Variants in EOGT observed in about 807,000 individuals in gnomAD.
The protein encoded by EOGT is EGF domain-specific O-linked N-acetylglucosamine transferase.
A neutral mutation model predicts 70.5 loss-of-function variants in EOGT; 55 were observed. The observed-to-expected ratio is 0.78, with a 90% CI of 0.63 to 0.98. The LOEUF (loss-of-function observed/expected upper bound fraction) is 0.98. Ranked by LOEUF, EOGT falls within the 50% of genes least tolerant of loss-of-function variation. EOGT has a pLI of 0.00. For missense variants in EOGT, 703 were observed against 641.9 expected, an observed-to-expected ratio of 1.10 and a Z score of -1.03; for synonymous variants, 246 against 217.1, an observed-to-expected ratio of 1.13 and a Z score of -1.17.
intron 17 of EOGT, 57 bp downstream of exon 17, chr3:68,978,276 T>G (rs915180217): frequency 1.6e-6 from 2 of 1,240,618 alleles, no homozygotes; most frequent in Non-Finnish European, 2.3e-6. Flanking sequence ...TATCAATAAT[T>G]GGATACTTTA....
rs140796749 is a variant in EOGT, at chr3:68,977,537, C to A, written c.*81G>T. On this transcript the variant is annotated 3_prime_UTR_variant, in exon 18 of 18. Transcript: ENST00000383701. ...AAGGTAATTCGGGGATAGGAAATAA[C>A]AGATTGCTTTACTGATTTAATTCTA... 2 of 1,454,788 alleles carry A rather than the reference C, an allele frequency of 1.4e-6. No homozygotes were observed. The highest frequency in any genetic ancestry group is 2.8e-5 in the African/African-American group (2 of 70,816). 90.1% of individuals were successfully genotyped at this position (1,454,788 alleles called of 1,614,324 possible). A position where few individuals can be genotyped will look rare whatever the true frequency, so the allele number is the denominator to read the frequency against.
intron 10 of EOGT, among the ~76,000 whole-genome samples, chr3:68,992,655 A>T (rs1022211478): frequency 5.3e-5 from 8 of 152,176 alleles, no homozygotes; most frequent in African/African-American, 1.9e-4. Flanking sequence ...CAGCTCCACT[A>T]GGCAGCACCC....
chr3:68,986,341 G>A (rs2090807178), intron 14 of EOGT, among the ~76,000 whole-genome samples: 1 of 152,066 alleles, frequency 6.6e-6, no homozygotes. Context: ...CCTTTGGGAG[G>A]AGCAGGAAGA....
At chr3:68,994,052 G>A (rs1451402329) in intron 10 of EOGT, among the ~76,000 whole-genome samples, 3 of 152,128 alleles carry the variant, frequency 2.0e-5, no homozygotes, top group Admixed American at 6.6e-5. Context: ...GTACCATAAC[G>A]AGATCTTGTC....
At chr3:68,987,641 T>C (rs990013253) in intron 13 of EOGT, 128 bp from the exon 14 acceptor site, 6 of 702,800 alleles carry the variant, frequency 8.5e-6, no homozygotes, top group Non-Finnish European at 1.4e-5. Context: ...GAACTCTTCT[T>C]TTTTAGCTTG....
intron 3 of EOGT, 73 bp from the exon 4 acceptor site, chr3:69,009,933 C>CAAAAAAAAAAAAAAAAAAA: frequency 7.8e-6 from 2 of 255,186 alleles, no homozygotes; most frequent in African/African-American, 3.3e-5. Flanking sequence ...ACAACAACAA[C>CAAAAAAAAAAAAAAAAAAA]AAAAAAAAAA....
chr3:68,997,842 T>C (rs745682395), intron 10 of EOGT, among the ~76,000 whole-genome samples, 169 bp downstream of exon 10: 2 of 152,232 alleles, frequency 1.3e-5, no homozygotes, highest in South Asian at 2.1e-4. Context: ...TATACGTATA[T>C]GCACATGTCA....
At chr3:68,979,895 T>C in intron 15 of EOGT, 108 bp from the exon 16 acceptor site, 1 of 1,051,706 alleles carries the variant, frequency 9.5e-7, no homozygotes, top group Non-Finnish European at 1.3e-6. Flanking sequence ...TATTGCCCAT[T>C]TTAAACCACA....
At chr3:68,993,536 T>C (rs771971413) in intron 10 of EOGT, among the ~76,000 whole-genome samples, 12 of 152,154 alleles carry the variant, frequency 7.9e-5, no homozygotes, top group Non-Finnish European at 1.5e-4. Context: ...CTCTAGGAAG[T>C]TGCAAACTTT....
intron 14 of EOGT, among the ~76,000 whole-genome samples, chr3:68,986,867 G>A (rs951002806): frequency 6.6e-6 from 1 of 152,176 alleles, no homozygotes. Context: ...ACACATAGCA[G>A]GTGCTCAATT....
At chr3:69,013,279 C>G (rs988856065) in intron 1 of EOGT, among the ~76,000 whole-genome samples, 8 of 151,624 alleles carry the variant, frequency 5.3e-5, no homozygotes, top group Non-Finnish European at 1.0e-4. Context: ...CCCCGGGGAG[C>G]GGCTCCGCCC....
In EOGT at chr3:68,987,818, G is replaced by A. The variant is rs2090860332; in HGVS notation, c.1084-305C>T. The A allele has an allele frequency of 9.3e-6, 4 of 430,562 alleles. No homozygotes were observed. In the East Asian group the frequency reaches 1.3e-4, roughly 14 times the overall value. The allele number at this position is 430,562 out of a possible 1,614,324, so 26.7% of individuals were successfully genotyped here. A position where few individuals can be genotyped will look rare whatever the true frequency, so the allele number is the denominator to read the frequency against. On this transcript the variant is annotated intron_variant, in intron 13 of 17. Coordinates refer to ENST00000383701, the MANE Select transcript of EOGT (RefSeq NM_001278689.2). ...TGAGGGAGATATAACCAATGAAGGG[G>A]GAAAGGAGGACAGGAGGAAGCACAT...
rs535116287 is a variant in EOGT at position 68,990,038 on chromosome 3, A to C, written c.832-1021T>G. On this transcript the variant is annotated intron_variant, in intron 10 of 17. Coordinates refer to ENST00000383701, the MANE Select transcript of EOGT (RefSeq NM_001278689.2). The stretch of plus-strand genomic sequence containing the variant: ...GAATAAAAAGTGGTAATTTCCCATT[A>C]ATATTAATGGTGTCAATAACAACTT... Among the ~76,000 whole-genome samples the C allele has an allele frequency of 2.0e-5, 3 of 152,260 alleles. No individual in the cohort carries two copies. In the South Asian group the frequency reaches 6.2e-4, roughly 32 times the overall value.
intron 15 of EOGT, 76 bp downstream of exon 15, chr3:68,982,735 G>C: frequency 9.1e-7 from 1 of 1,094,530 alleles, no homozygotes; most frequent in Non-Finnish European, 1.3e-6. Context: ...GCTCCCACTG[G>C]AAAAATGCTT....
At chr3:69,003,169 G>A (rs1478307083) in intron 8 of EOGT, among the ~76,000 whole-genome samples, 1 of 152,058 alleles carries the variant, frequency 6.6e-6, no homozygotes, top group South Asian at 2.1e-4. Flanking sequence ...AATGAGTACA[G>A]GTAATTGCTG....
At chr3:68,987,343 A>C in intron 14 of EOGT, 102 bp downstream of exon 14, 2 of 899,320 alleles carry the variant, frequency 2.2e-6, no homozygotes, top group Non-Finnish European at 3.5e-6. Context: ...CTCAAAACTA[A>C]GTTTTAAACC....
intron 10 of EOGT, among the ~76,000 whole-genome samples, chr3:68,991,320 T>A (rs1419206155): frequency 6.6e-6 from 1 of 152,230 alleles, no homozygotes. Context: ...AACATGCACA[T>A]AATCTATGAC....
chr3:68,991,757 T>C (rs1188773477), intron 10 of EOGT, among the ~76,000 whole-genome samples: 1 of 152,052 alleles, frequency 6.6e-6, no homozygotes, highest in Non-Finnish European at 1.5e-5. Context: ...TATTAGCCAG[T>C]TTTCACACTG....
chr3:68,976,790 TAC>T lies in EOGT; in HGVS notation c.*826_*827del, dbSNP rs144459868. 6,631 of 152,622 alleles carry T rather than the reference TAC, an allele frequency of 0.043. 445 individuals are homozygous for T. The highest frequency in any genetic ancestry group is 0.14 in the African/African-American group (6,000 of 41,448). The allele number at this position is 152,622 out of a possible 1,614,324, so 9.5% of individuals were successfully genotyped here. The stretch of plus-strand genomic sequence containing the variant: ...TAAACAAGTTGGAACACTCTGGAAT[TAC>T]AGTCATATGATATTCTACAAAAATA... On this transcript the variant is annotated 3_prime_UTR_variant, in exon 18 of 18. Coordinates refer to ENST00000383701, the MANE Select transcript of EOGT (RefSeq NM_001278689.2).
Sources: allele counts gnomAD v4.1 joint callset (sites outside exome capture counted in the v4.1 genomes callset), GRCh38; gene constraint gnomAD v4.1.1; transcripts MANE v1.5; gene names NCBI Gene and HGNC (gene_info 2026-07-23, HGNC 2026-07-21).